LAMB4: variants seen among roughly 807,000 people sequenced by gnomAD.
The protein encoded by LAMB4 is laminin subunit beta 4.
LAMB4 carries 196 observed loss-of-function variants against 199.2 expected under a neutral mutation model. The observed-to-expected ratio is 0.98, with a 90% CI of 0.88 to 1.11. The LOEUF (loss-of-function observed/expected upper bound fraction) is 1.11. LAMB4 is among the 50% of genes least tolerant of loss of function. The pLI is 0.00. For synonymous variants in LAMB4, 744 were observed against 770.6 expected, an observed-to-expected ratio of 0.97 and a Z score of 0.57; for missense variants, 2,080 against 2,171.2, an observed-to-expected ratio of 0.96 and a Z score of 0.83.
At chr7:108,060,540 G>A (rs1212615541) in intron 23 of LAMB4, among the ~76,000 whole-genome samples, 12 of 152,186 alleles carry the variant, frequency 7.9e-5, no homozygotes, top group Admixed American at 5.2e-4. Context: ...TTCTAGGACT[G>A]GGGCAGAGAA....
downstream of LAMB4, among the ~76,000 whole-genome samples, chr7:108,021,597 T>C (rs1341307076): frequency 6.6e-6 from 1 of 151,996 alleles, no homozygotes; most frequent in Non-Finnish European, 1.5e-5. Flanking sequence ...TGATCTCAGC[T>C]ACTCGGGAGG....
chr7:108,105,381 C>T (rs536408087), intron 8 of LAMB4, among the ~76,000 whole-genome samples: 19 of 152,260 alleles, frequency 1.2e-4, no homozygotes, highest in Admixed American at 1.0e-3. Flanking sequence ...ACACAAAAGT[C>T]CTTCAGTAGA....
intron 3 of LAMB4, among the ~76,000 whole-genome samples, chr7:108,112,504 C>T (rs1584777850): frequency 6.6e-6 from 1 of 151,882 alleles, no homozygotes; most frequent in East Asian, 1.9e-4. Flanking sequence ...TGTTGGCAGG[C>T]TGGGTCTTGA....
chr7:108,069,665 T>C lies in LAMB4; in HGVS notation c.2302+43A>G, dbSNP rs372376190. 1.8e-4 allele frequency: 288 copies of C among 1,558,798 alleles called. 2 individuals are homozygous for C. The highest frequency in any genetic ancestry group is 8.6e-4 in the Middle Eastern group (5 of 5,834). On this transcript the variant is annotated intron_variant, in intron 18 of 33. Coordinates refer to ENST00000388781, the MANE Select transcript of LAMB4 (RefSeq NM_007356.3). ...TGATTTGCTCCAAAAAGCATTTGTA[T>C]GGATGTCAGTGCCTCAGTAGAGCCC... is the stretch of plus-strand genomic sequence containing the variant.
intron 14 of LAMB4, among the ~76,000 whole-genome samples, chr7:108,081,014 T>C (rs1378896172): frequency 6.6e-6 from 1 of 152,018 alleles, no homozygotes; most frequent in Non-Finnish European, 1.5e-5. Context: ...CCCAGCTACT[T>C]GGAAGGCTAA....
intron 14 of LAMB4, among the ~76,000 whole-genome samples, chr7:108,081,851 A>C (rs1161422738): frequency 6.6e-6 from 1 of 152,196 alleles, no homozygotes; most frequent in South Asian, 2.1e-4. Context: ...AACTGTGGAA[A>C]TGGGTGGCTG....
intron 23 of LAMB4, among the ~76,000 whole-genome samples, chr7:108,059,979 A>G (rs1377225840): frequency 2.0e-5 from 3 of 152,182 alleles, no homozygotes; most frequent in African/African-American, 7.2e-5. Context: ...TAAAGTGTTG[A>G]TGAAAATATT....
chr7:108,066,383 G>T lies in LAMB4; in HGVS notation c.2664C>A (p.Gly888=). 2.5e-6 allele frequency: 4 copies of T among 1,613,270 alleles called. No homozygotes were observed. Among genetic ancestry groups the T allele is most frequent in the South Asian group, 1.1e-5 (1 of 91,064 alleles). Reference sequence around the variant, plus strand: ...GAATTCCATACCTTTCACAGTTTCTGCCAGTTGTAAAGCCTCCACAATTGA... The same window carrying T: ...GAATTCCATACCTTTCACAGTTTCTTCCAGTTGTAAAGCCTCCACAATTGA... ...SCFNCGGFTT[G]RNCERCIDGY... is the part of the protein sequence containing the mutation. Residue 888 remains glycine, a synonymous_variant, in exon 20 of 34, where the codon GGC becomes GGA. Transcript: ENST00000388781.
At chr7:108,121,617 G>A (rs530429751) in intron 2 of LAMB4, among the ~76,000 whole-genome samples, 194 of 152,188 alleles carry the variant, frequency 1.3e-3, no homozygotes, top group African/African-American at 4.4e-3. Flanking sequence ...TGGGCATGGT[G>A]GGAGCACCTG....
At chr7:108,049,114 T>C (rs2035745884) in intron 27 of LAMB4, among the ~76,000 whole-genome samples, 1 of 151,964 alleles carries the variant, frequency 6.6e-6, no homozygotes, top group South Asian at 2.1e-4. Flanking sequence ...CCACAATCTT[T>C]ACTCTTTGAT....
chr7:108,120,738 T>A (rs1039478028), intron 2 of LAMB4, among the ~76,000 whole-genome samples: 9 of 152,242 alleles, frequency 5.9e-5, no homozygotes, highest in African/African-American at 2.2e-4. Flanking sequence ...TCCGTTGATG[T>A]TACATGTGAA....
intron 4 of LAMB4, among the ~76,000 whole-genome samples, chr7:108,109,714 A>T (rs1422946957): frequency 6.6e-6 from 1 of 152,154 alleles, no homozygotes; most frequent in Non-Finnish European, 1.5e-5. Flanking sequence ...AGCTTGGAGT[A>T]TTCCCCTTGG....
rs1418981663 is a variant in LAMB4 at position 108,091,498 on chromosome 7, C to G, written c.1701+128G>C. 5 of 1,042,616 alleles carry G rather than the reference C, an allele frequency of 4.8e-6. No individual in the cohort carries two copies. The Admixed American group carries it at 1.2e-4, about 25-fold the overall frequency. The allele number at this position is 1,042,616 out of a possible 1,614,324, so 64.6% of individuals were successfully genotyped here. ...CTGCATTTGCAGGTTATAATAAACTCTGATCTGCATCTTTGGGCAAAAGCA... is the reference window on the plus strand; with the variant it reads ...CTGCATTTGCAGGTTATAATAAACTGTGATCTGCATCTTTGGGCAAAAGCA... On this transcript the variant is annotated intron_variant, in intron 14 of 33. Coordinates refer to ENST00000388781, the MANE Select transcript of LAMB4 (RefSeq NM_007356.3).
At chr7:108,041,140 A>C (rs1297425220) in intron 29 of LAMB4, among the ~76,000 whole-genome samples, 10 of 152,216 alleles carry the variant, frequency 6.6e-5, no homozygotes, top group African/African-American at 2.2e-4. Context: ...CAAGCATATG[A>C]AAAAAAGCTC....
intron 24 of LAMB4, 28 bp from the exon 25 acceptor site, chr7:108,056,035 A>G (rs2035975024): frequency 1.3e-6 from 2 of 1,575,058 alleles, no homozygotes. Flanking sequence ...AGGAGCAGAG[A>G]ATGTCACTGG....
chr7:108,069,283 C>T (rs534322448), intron 18 of LAMB4, among the ~76,000 whole-genome samples: 1 of 152,284 alleles, frequency 6.6e-6, no homozygotes, highest in African/African-American at 2.4e-5. Flanking sequence ...GGCAGGCCCC[C>T]GCAGCAAAGA....
At chr7:108,036,220 G>A (rs2035225082) in intron 30 of LAMB4, among the ~76,000 whole-genome samples, 1 of 146,750 alleles carries the variant, frequency 6.8e-6, no homozygotes, top group Non-Finnish European at 1.5e-5. Flanking sequence ...ACGGAGTTTC[G>A]ATTTTGTTGC....
intron 9 of LAMB4, among the ~76,000 whole-genome samples, chr7:108,103,488 G>A (rs948011588): frequency 2.5e-4 from 38 of 152,210 alleles, no homozygotes; most frequent in African/African-American, 8.9e-4. Context: ...AAAATCAAGT[G>A]AACAAAAGTA....
chr7:108,087,032 C>A (rs921916589), intron 14 of LAMB4, among the ~76,000 whole-genome samples: 1 of 152,114 alleles, frequency 6.6e-6, no homozygotes, highest in Non-Finnish European at 1.5e-5. Context: ...TCAGAGAAGG[C>A]CTCGTGGGGC....
Sources: gnomAD v4.1 joint callset for allele counts (sites outside exome capture counted in the v4.1 genomes callset) on GRCh38, gnomAD v4.1.1 for gene constraint, MANE v1.5 for transcripts, NCBI Gene and HGNC (gene_info 2026-07-23, HGNC 2026-07-21) for gene names.